JAZF1: variants seen among roughly 807,000 people sequenced by gnomAD.
The protein encoded by JAZF1 is JAZF zinc finger 1.
Under a neutral mutation model 26.4 loss-of-function variants are expected in JAZF1, and 8 were observed. The ratio of observed to expected loss-of-function variants is 0.30; its 90% CI spans 0.18 to 0.55. The LOEUF (loss-of-function observed/expected upper bound fraction) is 0.55, where lower values mean the gene tolerates loss of function less well. Among genes scored for constraint, JAZF1 ranks in the 20% least tolerant of loss-of-function variants. The pLI is 0.94. For synonymous variants in JAZF1, 126 were observed against 122.3 expected (o/e 1.03, Z -0.20); for missense variants, 199 against 322.0 (o/e 0.62, Z 2.92).
At chr7:27,994,121 A>ATAT (rs1785963821) in intron 1 of JAZF1, among the ~76,000 whole-genome samples, 2 of 152,294 alleles carry the variant, frequency 1.3e-5, no homozygotes, top group Non-Finnish European at 2.9e-5. Context: ...AGATACATTT[A>ATAT]TATTATCCTT....
At chr7:28,153,923 C>CT (rs1437031718) in intron 1 of JAZF1, among the ~76,000 whole-genome samples, 2 of 152,134 alleles carry the variant, frequency 1.3e-5, no homozygotes, top group Non-Finnish European at 2.9e-5. Context: ...ACCTGCCCCT[C>CT]TACCCCCTCC....
chr7:28,031,442 C>T (rs1277869493), intron 1 of JAZF1, among the ~76,000 whole-genome samples: 1 of 152,152 alleles, frequency 6.6e-6, no homozygotes, highest in African/African-American at 2.4e-5. Flanking sequence ...CAATATCCCA[C>T]CCCTCAGCCC....
At chr7:28,033,357 G>A (rs1340423025) in intron 1 of JAZF1, among the ~76,000 whole-genome samples, 2 of 152,174 alleles carry the variant, frequency 1.3e-5, no homozygotes, top group Admixed American at 6.5e-5. Context: ...ACAATGGCAC[G>A]AGGGCTGGAA....
chr7:28,173,678 T>C (rs1783507078), intron 1 of JAZF1, among the ~76,000 whole-genome samples: 1 of 151,986 alleles, frequency 6.6e-6, no homozygotes, highest in Non-Finnish European at 1.5e-5. Flanking sequence ...TGAACAGTGC[T>C]TCCTTGGGAG....
At chr7:28,146,882 A>T (rs1309111030) in intron 1 of JAZF1, among the ~76,000 whole-genome samples, 4 of 136,196 alleles carry the variant, frequency 2.9e-5, no homozygotes, top group East Asian at 2.1e-4. Flanking sequence ...TTTTTGAGAG[A>T]GTCTCGTTCT....
intron 1 of JAZF1, among the ~76,000 whole-genome samples, chr7:28,028,757 A>G (rs1783134402): frequency 6.6e-6 from 1 of 152,236 alleles, no homozygotes; most frequent in South Asian, 2.1e-4. Context: ...CTAAGTGTCT[A>G]TTAAATGCCA....
chr7:28,080,093 CA>C (rs1277737822), intron 1 of JAZF1, among the ~76,000 whole-genome samples: 1 of 152,184 alleles, frequency 6.6e-6, no homozygotes, highest in Non-Finnish European at 1.5e-5. Flanking sequence ...TATAGTCATC[CA>C]AGCTAGATCT....
intron 2 of JAZF1, among the ~76,000 whole-genome samples, chr7:27,956,204 G>T (rs1323398318): frequency 6.6e-6 from 1 of 152,138 alleles, no homozygotes; most frequent in Non-Finnish European, 1.5e-5. Context: ...TGAAGCACAG[G>T]GAGGAACGTA....
intron 1 of JAZF1, among the ~76,000 whole-genome samples, chr7:28,127,626 G>A (rs760751039): frequency 1.3e-5 from 2 of 152,182 alleles, no homozygotes; most frequent in Non-Finnish European, 2.9e-5. Flanking sequence ...AAATGTGGCT[G>A]TATTAGTCCA....
intron 1 of JAZF1, among the ~76,000 whole-genome samples, chr7:28,033,891 G>A (rs1052744468): frequency 1.3e-5 from 2 of 152,010 alleles, no homozygotes; most frequent in African/African-American, 4.8e-5. Flanking sequence ...TACAGGCACC[G>A]CCACTATGCC....
At chr7:27,843,615 C>G (rs571230637) in intron 3 of JAZF1, 1 of 152,368 alleles carries the variant, frequency 6.6e-6, no homozygotes, top group Admixed American at 6.5e-5. Context: ...AAGAGAGACT[C>G]CAGGACCAGA....
intron 2 of JAZF1, among the ~76,000 whole-genome samples, chr7:27,987,693 A>C (rs1159335969): frequency 6.6e-6 from 1 of 152,250 alleles, no homozygotes; most frequent in Non-Finnish European, 1.5e-5. Context: ...TGGGAGGTGT[A>C]CCCAACAGCT....
In JAZF1 at chr7:28,131,940, T is replaced by C. The variant is rs563722080; in HGVS notation, c.115+48523A>G. Among the ~76,000 whole-genome samples the C allele has an allele frequency of 3.3e-5, 5 of 152,304 alleles. No homozygotes were observed. The East Asian group carries it at 9.6e-4, about 29-fold the overall frequency. On this transcript the variant is annotated intron_variant, in intron 1 of 4. Transcript: ENST00000283928. ...GCACAAATCTTCAAATTTATTGTAC[T>C]AAACAATCTCTCTGGAATATATGGG...
At chr7:27,885,578 G>T (rs145313524) in intron 3 of JAZF1, among the ~76,000 whole-genome samples, 2 of 152,232 alleles carry the variant, frequency 1.3e-5, no homozygotes, top group Admixed American at 6.5e-5. Flanking sequence ...CAGACACATG[G>T]CTTGCAAATA....
chr7:28,015,026 AGTGTGTAT>A (rs930630189), intron 1 of JAZF1, among the ~76,000 whole-genome samples: 2 of 116,422 alleles, frequency 1.7e-5, no homozygotes, highest in African/African-American at 6.7e-5. Flanking sequence ...AAAAGCAGAA[AGTGTGTAT>A]GTGTGTGTGT....
At chr7:27,845,061 A>G (rs1316009654) in intron 3 of JAZF1, among the ~76,000 whole-genome samples, 1 of 152,270 alleles carries the variant, frequency 6.6e-6, no homozygotes, top group Non-Finnish European at 1.5e-5. Context: ...GCCTCGCACC[A>G]TCCCGAGACA....
At chr7:27,898,337 G>T (rs1784107950) in intron 2 of JAZF1, among the ~76,000 whole-genome samples, 1 of 107,350 alleles carries the variant, frequency 9.3e-6, no homozygotes, top group Admixed American at 9.7e-5. Flanking sequence ...TTTTGAGATG[G>T]AGTCTCGCAC....
intron 1 of JAZF1, among the ~76,000 whole-genome samples, chr7:28,016,776 C>T (rs974893208): frequency 1.3e-5 from 2 of 152,198 alleles, no homozygotes; most frequent in African/African-American, 2.4e-5. Context: ...CCCAGGGGAT[C>T]GTTCTCTGCT....
At chr7:27,975,856 TAG>T (rs1228114561) in intron 2 of JAZF1, among the ~76,000 whole-genome samples, 1 of 152,178 alleles carries the variant, frequency 6.6e-6, no homozygotes, top group African/African-American at 2.4e-5. Context: ...GTTTAAAACA[TAG>T]AGTGTCCTAA....
Sources: allele counts gnomAD v4.1 joint callset (sites outside exome capture counted in the v4.1 genomes callset), GRCh38; gene constraint gnomAD v4.1.1; transcripts MANE v1.5; gene names NCBI Gene and HGNC (gene_info 2026-07-23, HGNC 2026-07-21).